The following MECOM variants were observed in gnomAD, a reference collection of about 807,000 sequenced individuals.
MECOM encodes the protein MDS1 and EVI1 complex locus, also known as histone-lysine N-methyltransferase MECOM.
MECOM carries 13 observed loss-of-function variants against 116.3 expected under a neutral mutation model. That is an observed-to-expected ratio of 0.11 (90% CI 0.07 to 0.18). The LOEUF (loss-of-function observed/expected upper bound fraction) is 0.18, where lower values mean the gene tolerates loss of function less well. MECOM is among the 10% of genes least tolerant of loss of function. The probability of loss-of-function intolerance (pLI) is 1.00; values close to 1 mark genes in which losing one functional copy is unlikely to be tolerated. For synonymous variants in MECOM, 528 were observed against 535.2 expected (o/e 0.99, Z 0.19); for missense variants, 1,299 against 1,509.0 (o/e 0.86, Z 2.31).
rs1769271927 is a variant in MECOM, at chr3:169,611,493, C to T, written c.37+51843G>A. Among the ~76,000 whole-genome samples, 1 of 152,174 alleles carries T rather than the reference C, an allele frequency of 6.6e-6. No individual in the cohort carries two copies. The highest frequency in any genetic ancestry group is 6.5e-5 in the Admixed American group (1 of 15,272). On this transcript the variant is annotated intron_variant, in intron 1 of 16. Coordinates refer to ENST00000651503, the MANE Select transcript of MECOM (RefSeq NM_004991.4). The surrounding 1 kb of genome is among the most constrained non-coding windows in gnomAD (Gnocchi z 4.1). ...CACCAACATGGGCAAACAAGCAAGT[C>T]AGGCAGTTGTGAGGAGTGGAAGTGT...
At chr3:169,273,641 G>A (rs1759223929) in intron 2 of MECOM, among the ~76,000 whole-genome samples, 1 of 152,180 alleles carries the variant, frequency 6.6e-6, no homozygotes, top group South Asian at 2.1e-4. Context: ...TAGGCGGTGT[G>A]TGTGAAGACT....
intron 2 of MECOM, among the ~76,000 whole-genome samples, chr3:169,205,377 A>G (rs1749780743): frequency 6.6e-6 from 1 of 152,198 alleles, no homozygotes; most frequent in East Asian, 1.9e-4. Context: ...ATGTGTTCAT[A>G]GGCAATTTAT....
chr3:169,291,541 T>C (rs1714551704), intron 2 of MECOM, among the ~76,000 whole-genome samples: 1 of 152,130 alleles, frequency 6.6e-6, no homozygotes, highest in Admixed American at 6.6e-5. Context: ...TTAGGAGAAG[T>C]GGGCAAATGT....
At chr3:169,327,567 G>C (rs897420045) in intron 2 of MECOM, among the ~76,000 whole-genome samples, 4 of 150,702 alleles carry the variant, frequency 2.7e-5, no homozygotes, top group African/African-American at 9.8e-5. Context: ...GAAGCCAGGA[G>C]GCAGAGGTTG....
chr3:169,514,439 T>C (rs1462861472), intron 1 of MECOM, among the ~76,000 whole-genome samples: 27 of 152,156 alleles, frequency 1.8e-4, no homozygotes, highest in Admixed American at 1.7e-3. Flanking sequence ...TATAAGGAGT[T>C]GGAAGCATGT....
chr3:169,228,962 G>A (rs1753065777), intron 2 of MECOM, among the ~76,000 whole-genome samples: 1 of 152,182 alleles, frequency 6.6e-6, no homozygotes, highest in Admixed American at 6.5e-5. Context: ...TGGACACAGT[G>A]AAGATGTTAT....
chr3:169,373,017 A>G (rs1730404026), intron 2 of MECOM, among the ~76,000 whole-genome samples: 1 of 151,982 alleles, frequency 6.6e-6, no homozygotes, highest in South Asian at 2.1e-4. Context: ...CTGAACCAAC[A>G]GAACTCTAAA....
At position 169,085,052 on chromosome 3, in the gene MECOM, A is replaced by T. The variant is rs1483836059; in HGVS notation, c.3586-9T>A. Reference sequence around the variant, plus strand: ...AGCATCATAGCATATGCCTGGGGTAAAAAGGAGAGAGACTCAGTAAATGGC... The same window carrying T: ...AGCATCATAGCATATGCCTGGGGTATAAAGGAGAGAGACTCAGTAAATGGC... On this transcript the variant is annotated splice_polypyrimidine_tract_variant and intron_variant, in intron 16 of 16. Transcript: ENST00000651503. 1 of 1,613,834 alleles carries T rather than the reference A, an allele frequency of 6.2e-7. No homozygotes were observed. The highest frequency in any genetic ancestry group is 8.5e-7 in the Non-Finnish European group (1 of 1,179,866).
At chr3:169,365,155 TG>T (rs1370740572) in intron 2 of MECOM, among the ~76,000 whole-genome samples, 13 of 151,984 alleles carry the variant, frequency 8.6e-5, no homozygotes, top group Non-Finnish European at 1.5e-4. Context: ...TTCTCAATCC[TG>T]GGGCTCAGTG....
intron 2 of MECOM, among the ~76,000 whole-genome samples, chr3:169,236,703 TTGAC>T (rs561435409): frequency 9.1e-4 from 139 of 152,334 alleles, no homozygotes; most frequent in African/African-American, 3.0e-3. Flanking sequence ...AAAAGACTCT[TTGAC>T]TGTATGTAAT....
intron 1 of MECOM, among the ~76,000 whole-genome samples, chr3:169,442,615 C>A (rs913498714): frequency 6.6e-6 from 1 of 152,094 alleles, no homozygotes; most frequent in Non-Finnish European, 1.5e-5. Context: ...ATTGTAGAGA[C>A]AATCACCACT....
At position 169,089,983 on chromosome 3, in the gene MECOM, T is replaced by C. The variant is rs1336440514; in HGVS notation, c.3401+17A>G. On this transcript the variant is annotated intron_variant, in intron 15 of 16. Transcript: ENST00000651503. ...ATCTACTCTAGCTTAGTTTCTAAAG[T>C]CACCCAAGGTACTCACCTCACTGGG... 2 of 1,604,904 alleles carry C rather than the reference T, an allele frequency of 1.2e-6. No homozygotes were observed. The highest frequency in any genetic ancestry group is 4.5e-5 in the East Asian group (2 of 44,824).
intron 9 of MECOM, among the ~76,000 whole-genome samples, chr3:169,108,409 G>A (rs530677049): frequency 6.6e-6 from 1 of 152,236 alleles, no homozygotes; most frequent in East Asian, 1.9e-4. Flanking sequence ...AAAGGATAAT[G>A]TACTTGGAAA....
intron 1 of MECOM, among the ~76,000 whole-genome samples, chr3:169,397,285 T>A (rs1171715208): frequency 6.6e-6 from 1 of 152,228 alleles, no homozygotes; most frequent in African/African-American, 2.4e-5. Flanking sequence ...CCATAGTTTC[T>A]GTGACGATGC....
chr3:169,426,096 A>G (rs1740626310), intron 1 of MECOM, among the ~76,000 whole-genome samples: 1 of 151,926 alleles, frequency 6.6e-6, no homozygotes, highest in Admixed American at 6.6e-5. Context: ...TGAAAAATTA[A>G]TGAACAAAAT....
intron 1 of MECOM, among the ~76,000 whole-genome samples, chr3:169,647,708 G>A (rs957659332): frequency 6.6e-6 from 1 of 152,096 alleles, no homozygotes; most frequent in Non-Finnish European, 1.5e-5. Context: ...AATTCTGTGT[G>A]TGTTAAGTTT....
intron 13 of MECOM, among the ~76,000 whole-genome samples, chr3:169,094,649 C>T (rs1720929076): frequency 2.0e-5 from 3 of 152,176 alleles, no homozygotes; most frequent in Non-Finnish European, 1.5e-5. Flanking sequence ...GAGCTGCAGG[C>T]CTTTTACAAA....
chr3:169,619,430 T>G (rs1770434387), intron 1 of MECOM, among the ~76,000 whole-genome samples: 1 of 152,158 alleles, frequency 6.6e-6, no homozygotes, highest in Admixed American at 6.5e-5. Flanking sequence ...CACCTGGCCC[T>G]TCCCCTCCTG....
intron 1 of MECOM, among the ~76,000 whole-genome samples, chr3:169,506,061 G>A (rs1755185351): frequency 6.6e-6 from 1 of 152,198 alleles, no homozygotes; most frequent in Non-Finnish European, 1.5e-5. Context: ...GCAAAATGTT[G>A]CCGTTCTGAA....
Sources: gnomAD v4.1 joint callset for allele counts (sites outside exome capture counted in the v4.1 genomes callset) on GRCh38, gnomAD v4.1.1 for gene constraint, Gnocchi (gnomAD v3.1) non-coding constraint, MANE v1.5 for transcripts, NCBI Gene and HGNC (gene_info 2026-07-23, HGNC 2026-07-21) for gene names.